VWA3A: variants seen among roughly 807,000 people sequenced by gnomAD.
The protein encoded by VWA3A is von Willebrand factor A domain-containing protein 3A.
A neutral mutation model predicts 160.4 loss-of-function variants in VWA3A; 134 were observed. The ratio of observed to expected loss-of-function variants is 0.84; its 90% CI spans 0.73 to 0.96. The LOEUF (loss-of-function observed/expected upper bound fraction) is 0.96. VWA3A is among the 40% of genes least tolerant of loss of function. The pLI is 0.00. For missense variants in VWA3A, 1,310 were observed against 1,447.9 expected (o/e 0.90, Z 1.55); for synonymous variants, 476 against 543.4 (o/e 0.88, Z 1.72).
At chr16:22,155,140 C>T (rs947004018) in intron 31 of VWA3A, among the ~76,000 whole-genome samples, 4 of 152,074 alleles carry the variant, frequency 2.6e-5, no homozygotes, top group African/African-American at 9.7e-5. Flanking sequence ...GACAACAGAG[C>T]AAGGCTCTGT....
rs1397145154 is a variant in VWA3A, at chr16:22,148,294, A to G, written c.2972A>G (p.Lys991Arg). Residue 991 changes from lysine to arginine, a missense_variant, in exon 28 of 34, where the codon AAG (lysine) becomes AGG (arginine). Transcript: ENST00000389398. ...LVLLIWEQLR[K>R]CCDSFNLLSF... ...TTGCTGATTTGGGAACAGCTGCGGA[A>G]GTGCTGTGACAGGTAGGAGGCGAGG... 3 of 1,596,078 alleles carry G rather than the reference A, an allele frequency of 1.9e-6. No individual in the cohort carries two copies. The highest frequency in any genetic ancestry group is 2.6e-6 in the Non-Finnish European group (3 of 1,171,588).
At chr16:22,136,087 A>G (rs1051564815) in intron 21 of VWA3A, among the ~76,000 whole-genome samples, 2 of 152,152 alleles carry the variant, frequency 1.3e-5, no homozygotes, top group Non-Finnish European at 2.9e-5. Context: ...CACCACACCT[A>G]GCCTATTAGT....
intron 16 of VWA3A, among the ~76,000 whole-genome samples, chr16:22,125,250 G>A (rs2045825295): frequency 6.6e-6 from 1 of 151,750 alleles, no homozygotes; most frequent in South Asian, 2.1e-4. Context: ...GCCAGGCATG[G>A]TGATGTGTGC....
At chr16:22,101,589 C>A (rs952851576) in intron 5 of VWA3A, among the ~76,000 whole-genome samples, 25 of 152,152 alleles carry the variant, frequency 1.6e-4, no homozygotes, top group African/African-American at 6.0e-4. Flanking sequence ...TACAAGGCAG[C>A]CAGGAAAGAG....
At chr16:22,106,504 A>G (rs2045484087) in intron 6 of VWA3A, among the ~76,000 whole-genome samples, 1 of 152,102 alleles carries the variant, frequency 6.6e-6, no homozygotes, top group Non-Finnish European at 1.5e-5. Flanking sequence ...CTTGGGGAGA[A>G]TGTTCCAAGC....
At chr16:22,138,663 AG>A (rs2046088643) in intron 22 of VWA3A, 151 bp downstream of exon 22, 1 of 1,059,246 alleles carries the variant, frequency 9.4e-7, no homozygotes, top group Admixed American at 2.9e-5. Context: ...CCAGGCCTCC[AG>A]GGGGAAAATC....
rs760071700 is a variant in VWA3A, at chr16:22,132,912, G to A, written c.1885G>A (p.Ala629Thr). The A allele has an allele frequency of 1.6e-5, 26 of 1,613,174 alleles. No individual in the cohort carries two copies. The highest frequency in any genetic ancestry group is 2.0e-5 in the Non-Finnish European group (24 of 1,179,796). Residue 629 changes from alanine to threonine, a missense_variant, in exon 20 of 34, where the codon GCC becomes ACC. Physicochemically the swap from Ala to Thr is moderately conservative, Grantham distance 58. Transcript: ENST00000389398. ...IPDQDMPTLSAYMAEACGGCD... is the reference protein window; with the variant it reads ...IPDQDMPTLSTYMAEACGGCD... Reference sequence around the variant, plus strand: ...TCTTCCCCACCAGCCTACACTCAGTGCCTACATGGCTGAGGCCTGTGGCGG... The same window carrying A: ...TCTTCCCCACCAGCCTACACTCAGTACCTACATGGCTGAGGCCTGTGGCGG...
chr16:22,136,557 A>G (rs1288211441), intron 21 of VWA3A, among the ~76,000 whole-genome samples: 2 of 152,044 alleles, frequency 1.3e-5, no homozygotes, highest in African/African-American at 4.8e-5. Flanking sequence ...CCTGTGAAGG[A>G]GACTCCTGGA....
At chr16:22,097,459 A>G in intron 2 of VWA3A, 113 bp from the exon 3 acceptor site, 2 of 1,384,476 alleles carry the variant, frequency 1.4e-6, no homozygotes, top group Non-Finnish European at 1.9e-6. Flanking sequence ...GTTACTGCAC[A>G]GAAAAATGTT....
Position 22,109,525 on chromosome 16 carries a change from A to G in VWA3A, c.527A>G (p.Asp176Gly). 6.2e-7 allele frequency: 1 copy of G among 1,613,076 alleles called. No homozygotes were observed. Among genetic ancestry groups the G allele is most frequent in the Non-Finnish European group, 8.5e-7 (1 of 1,179,634 alleles). Residue 176 changes from aspartate to glycine, a missense_variant, in exon 7 of 34, where the codon GAT (aspartate) becomes GGT (glycine). By Grantham distance (94) the Asp-to-Gly change is moderately conservative. Coordinates refer to ENST00000389398, the MANE Select transcript of VWA3A (RefSeq NM_173615.5). ...GGGGCCAGAGTCAGCATCCTCATAG[A>G]TGTGTCAGCCATCAGCAGTGGCCCT... The part of the protein sequence containing the change: ...IKGARVSILI[D>G]VSAISSGPQK...
intron 17 of VWA3A, among the ~76,000 whole-genome samples, chr16:22,128,895 C>T (rs1489654185): frequency 2.0e-5 from 3 of 152,026 alleles, no homozygotes; most frequent in Admixed American, 6.6e-5. Context: ...CACATGGACA[C>T]ATAAAGGGGA....
chr16:22,126,397 C>T (rs188424640), intron 17 of VWA3A, 100 bp downstream of exon 17: 23 of 1,479,438 alleles, frequency 1.6e-5, no homozygotes, highest in East Asian at 9.4e-5. Flanking sequence ...TAGATATTGA[C>T]GTCATGGTCA....
intron 16 of VWA3A, among the ~76,000 whole-genome samples, chr16:22,125,948 C>T (rs964077719): frequency 1.3e-5 from 2 of 152,096 alleles, no homozygotes; most frequent in African/African-American, 2.4e-5. Flanking sequence ...CACCATGAGG[C>T]TTTATTCCAT....
chr16:22,129,398 A>AG (rs1274399954), intron 17 of VWA3A, among the ~76,000 whole-genome samples: 30 of 101,628 alleles, frequency 3.0e-4, no homozygotes, highest in Middle Eastern at 4.8e-3. Context: ...CAAAAAAAAA[A>AG]AAAAAAAGAA....
chr16:22,139,884 C>T (rs1412044679), intron 22 of VWA3A, among the ~76,000 whole-genome samples: 1 of 151,970 alleles, frequency 6.6e-6, no homozygotes, highest in Non-Finnish European at 1.5e-5. Flanking sequence ...TCTCATCTCA[C>T]ACACACACAC....
chr16:22,100,267 A>C lies in VWA3A; in HGVS notation c.299A>C (p.Lys100Thr), dbSNP rs1294738755. The C allele has an allele frequency of 6.4e-7, 1 of 1,551,366 alleles. No individual in the cohort carries two copies. Among genetic ancestry groups the C allele is most frequent in the Non-Finnish European group, 8.7e-7 (1 of 1,146,932 alleles). Reference sequence around the variant, plus strand: ...GACTGGCTTTCGGCTCACAGTTTAAAATGTCAGAAACTCACCTTGGCTGAC... The same window carrying C: ...GACTGGCTTTCGGCTCACAGTTTAACATGTCAGAAACTCACCTTGGCTGAC... ...SEDWLSAHSL[K>T]CQKLTLADLI... The change falls in exon 4 of 34, where the codon AAA (lysine) becomes ACA (threonine). Residue 100 changes from lysine (K) to threonine (T), a missense_variant. Transcript: ENST00000389398.
At chr16:22,141,402 T>A (rs1441824654) in intron 23 of VWA3A, among the ~76,000 whole-genome samples, 180 bp from the exon 24 acceptor site, 2 of 152,168 alleles carry the variant, frequency 1.3e-5, no homozygotes, top group African/African-American at 2.4e-5. Context: ...TATAGCTATT[T>A]CTGATCCAAG....
At chr16:22,113,809 G>C (rs937485917) in intron 8 of VWA3A, among the ~76,000 whole-genome samples, 1 of 151,292 alleles carries the variant, frequency 6.6e-6, no homozygotes, top group Non-Finnish European at 1.5e-5. Context: ...ATGTTGACCA[G>C]ACTGGTTTTG....
At chr16:22,113,625 G>A (rs963860665) in intron 8 of VWA3A, among the ~76,000 whole-genome samples, 5 of 151,512 alleles carry the variant, frequency 3.3e-5, no homozygotes, top group South Asian at 2.1e-4. Context: ...TTGAGACAAG[G>A]TCTTGCTCTG....
Sources: allele counts gnomAD v4.1 joint callset (sites outside exome capture counted in the v4.1 genomes callset), GRCh38; gene constraint gnomAD v4.1.1; transcripts MANE v1.5; gene names NCBI Gene and HGNC (gene_info 2026-07-23, HGNC 2026-07-21).